The following DAB1 variants were observed in gnomAD, a reference collection of about 807,000 sequenced individuals.
DAB1 encodes the protein disabled homolog 1.
A neutral mutation model predicts 64.6 loss-of-function variants in DAB1; 15 were observed. That is an observed-to-expected ratio of 0.23 (90% CI 0.16 to 0.36). The LOEUF is 0.36. Among genes scored for constraint, DAB1 ranks in the 10% least tolerant of loss-of-function variants. DAB1 has a pLI of 1.00. For synonymous variants in DAB1, 235 were observed against 251.9 expected, an observed-to-expected ratio of 0.93 and a Z score of 0.64; for missense variants, 596 against 706.7, an observed-to-expected ratio of 0.84 and a Z score of 1.78.
intron 1 of DAB1, among the ~76,000 whole-genome samples, chr1:57,311,773 A>G (rs553921401): frequency 1.4e-4 from 21 of 152,336 alleles, no homozygotes; most frequent in Admixed American, 3.9e-4. Context: ...TCAAACCAAT[A>G]TAACTTGATA....
intron 4 of DAB1, among the ~76,000 whole-genome samples, chr1:58,263,146 T>C (rs542941278): frequency 2.6e-5 from 4 of 152,314 alleles, no homozygotes; most frequent in African/African-American, 7.2e-5. Context: ...CAAGATAATA[T>C]GGAAAACAGA....
intron 5 of DAB1, among the ~76,000 whole-genome samples, chr1:58,099,711 T>C (rs1651196124): frequency 6.6e-6 from 1 of 152,248 alleles, no homozygotes; most frequent in Non-Finnish European, 1.5e-5. Flanking sequence ...ATTATTTCAC[T>C]GACTCCTAAT....
intron 7 of DAB1, among the ~76,000 whole-genome samples, chr1:57,620,596 A>T (rs1310357596): frequency 2.0e-5 from 3 of 152,202 alleles, no homozygotes; most frequent in Non-Finnish European, 4.4e-5. Context: ...TGGATTAAAG[A>T]GGGCTTTGAG....
intron 5 of DAB1, among the ~76,000 whole-genome samples, chr1:58,055,398 A>T (rs1647988693): frequency 6.6e-6 from 1 of 152,230 alleles, no homozygotes; most frequent in East Asian, 1.9e-4. Flanking sequence ...ATCTGTGCTC[A>T]CATATCACCT....
At chr1:58,153,540 C>A (rs1225620510) in intron 4 of DAB1, among the ~76,000 whole-genome samples, 2 of 152,068 alleles carry the variant, frequency 1.3e-5, no homozygotes, top group Non-Finnish European at 2.9e-5. Context: ...TTATTATTGT[C>A]TTTCATATCT....
At chr1:58,249,493 C>T (rs1317321664) in intron 4 of DAB1, among the ~76,000 whole-genome samples, 2 of 152,038 alleles carry the variant, frequency 1.3e-5, no homozygotes, top group Admixed American at 6.5e-5. Flanking sequence ...AGAAAGAAAG[C>T]ATGCGTCCGG....
intron 6 of DAB1, among the ~76,000 whole-genome samples, chr1:57,745,922 A>G (rs906581932): frequency 2.6e-5 from 4 of 152,166 alleles, no homozygotes; most frequent in African/African-American, 9.6e-5. Flanking sequence ...ATTTATCTTT[A>G]TGAGTGGCTT....
At chr1:57,051,030 A>T (rs1214903639) in intron 9 of DAB1, among the ~76,000 whole-genome samples, 1 of 152,164 alleles carries the variant, frequency 6.6e-6, no homozygotes, top group Non-Finnish European at 1.5e-5. Flanking sequence ...CTCTTGAGAG[A>T]TTCTTGCATT....
At chr1:57,887,211 T>C (rs927759584), upstream of DAB1, among the ~76,000 whole-genome samples, 4 of 152,190 alleles carry the variant, frequency 2.6e-5, no homozygotes, top group Non-Finnish European at 4.4e-5. Context: ...TATTACCCTT[T>C]ATACCCAGTT....
intron 2 of DAB1, among the ~76,000 whole-genome samples, chr1:57,268,843 C>A (rs1240393173): frequency 6.6e-6 from 1 of 152,164 alleles, no homozygotes; most frequent in African/African-American, 2.4e-5. Flanking sequence ...CAGCTATTCA[C>A]AGAATTTAAT....
intron 12 of DAB1, 141 bp downstream of exon 12, chr1:57,014,742 G>A (rs1646368639): frequency 1.7e-6 from 1 of 578,724 alleles, no homozygotes; most frequent in African/African-American, 1.9e-5. Flanking sequence ...GCAGCTCATA[G>A]TAGTATTACT....
intron 5 of DAB1, among the ~76,000 whole-genome samples, chr1:58,037,439 T>C (rs1000863064): frequency 6.6e-6 from 1 of 152,028 alleles, no homozygotes; most frequent in African/African-American, 2.4e-5. Flanking sequence ...AGGAGATGAG[T>C]GGCAGCCGAG....
chr1:57,251,417 G>A (rs1669332063), intron 2 of DAB1, among the ~76,000 whole-genome samples: 1 of 152,152 alleles, frequency 6.6e-6, no homozygotes, highest in African/African-American at 2.4e-5. Flanking sequence ...CATCTTATAG[G>A]CAGATAAGTC....
At chr1:57,960,756 C>A (rs540482269) in intron 5 of DAB1, among the ~76,000 whole-genome samples, 2 of 152,222 alleles carry the variant, frequency 1.3e-5, no homozygotes. Flanking sequence ...GTATGTGGAG[C>A]AATTAATTCC....
chr1:57,107,605 G>T (rs139493840), intron 4 of DAB1, among the ~76,000 whole-genome samples: 266 of 152,150 alleles, frequency 1.7e-3, no homozygotes, highest in African/African-American at 6.2e-3. Flanking sequence ...GATCAGTCCA[G>T]ACCAGAACTG....
At chr1:57,794,416 T>C (rs1489855793) in intron 6 of DAB1, among the ~76,000 whole-genome samples, 2 of 152,258 alleles carry the variant, frequency 1.3e-5, no homozygotes, top group Non-Finnish European at 2.9e-5. Context: ...TTTCTGACAG[T>C]ACCATGTTCT....
intron 3 of DAB1, among the ~76,000 whole-genome samples, chr1:58,369,680 T>C (rs186773621): frequency 6.6e-6 from 1 of 152,338 alleles, no homozygotes; most frequent in Admixed American, 6.5e-5. Flanking sequence ...GTATTTCTAT[T>C]TTACAGACTA....
intron 3 of DAB1, among the ~76,000 whole-genome samples, chr1:58,372,460 T>G (rs1326866778): frequency 6.6e-6 from 1 of 152,202 alleles, no homozygotes; most frequent in Non-Finnish European, 1.5e-5. Flanking sequence ...TGGAAGGGAC[T>G]TGCCTTGTCT....
At chr1:58,506,278 A>ATT in intron 2 of DAB1, 1 of 713,752 alleles carries the variant, frequency 1.4e-6, no homozygotes, top group African/African-American at 1.8e-5. Context: ...CTACTACTTT[A>ATT]TTTTTTTTTA....
Sources: gnomAD v4.1 joint callset for allele counts (sites outside exome capture counted in the v4.1 genomes callset) on GRCh38, gnomAD v4.1.1 for gene constraint, MANE v1.5 for transcripts, NCBI Gene and HGNC (gene_info 2026-07-23, HGNC 2026-07-21) for gene names.